LINGO2: variants seen among roughly 807,000 people sequenced by gnomAD.
The protein encoded by LINGO2 is leucine-rich repeat and immunoglobulin-like domain-containing nogo receptor-interacting protein 2.
A neutral mutation model predicts 30.6 loss-of-function variants in LINGO2; 14 were observed. The observed-to-expected ratio is 0.46, with a 90% CI of 0.30 to 0.72. LINGO2 has a LOEUF of 0.72. Ranked by LOEUF, LINGO2 falls within the 30% of genes least tolerant of loss-of-function variation. The pLI, the probability that LINGO2 is intolerant of heterozygous loss-of-function variation, is 0.07. For missense variants in LINGO2, 729 were observed against 751.7 expected, an observed-to-expected ratio of 0.97 and a Z score of 0.35; for synonymous variants, 317 against 288.5, an observed-to-expected ratio of 1.10 and a Z score of -1.00.
the LINGO2 span, among the ~76,000 whole-genome samples, chr9:29,116,921 A>AG: frequency 6.6e-6 from 1 of 152,162 alleles, no homozygotes; most frequent in African/African-American, 2.4e-5. Flanking sequence ...AGAAGAACAC[A>AG]GTAGGGGTCG....
intron 1 of LINGO2, among the ~76,000 whole-genome samples, chr9:28,589,304 A>C (rs1002052153): frequency 6.6e-6 from 1 of 152,134 alleles, no homozygotes; most frequent in Non-Finnish European, 1.5e-5. Context: ...TGGCCAGGGC[A>C]GTCAGGCAGG....
intron 4 of LINGO2, among the ~76,000 whole-genome samples, chr9:28,032,781 C>T (rs557984971): frequency 1.3e-4 from 20 of 152,306 alleles, no homozygotes; most frequent in African/African-American, 4.6e-4. Flanking sequence ...TGACAATGGA[C>T]ACTGTGTCCC....
At chr9:28,956,187 T>G in the LINGO2 span, among the ~76,000 whole-genome samples, 5 of 152,028 alleles carry the variant, frequency 3.3e-5, no homozygotes. Context: ...AATTCTGGGC[T>G]GCTATTCACC....
chr9:28,861,966 A>G, the LINGO2 span, among the ~76,000 whole-genome samples: 54 of 152,292 alleles, frequency 3.5e-4, no homozygotes, highest in Admixed American at 3.5e-3. Flanking sequence ...ACTAAAAATT[A>G]TCTTAAGAAA....
chr9:28,922,149 A>G, the LINGO2 span, among the ~76,000 whole-genome samples: 6 of 152,158 alleles, frequency 3.9e-5, no homozygotes, highest in African/African-American at 1.4e-4. Flanking sequence ...AAGTTACCCA[A>G]TGTGAGTACT....
chr9:28,699,380 C>G, the LINGO2 span, among the ~76,000 whole-genome samples: 6 of 151,982 alleles, frequency 3.9e-5, no homozygotes, highest in African/African-American at 1.2e-4. Flanking sequence ...ACTTCCCTAA[C>G]AATACTCTTA....
At chr9:28,706,441 A>T in the LINGO2 span, among the ~76,000 whole-genome samples, 2 of 152,288 alleles carry the variant, frequency 1.3e-5, no homozygotes, top group East Asian at 1.9e-4. Context: ...TAAAAAATTA[A>T]TGTTACTTAG....
chr9:28,872,074 A>C, the LINGO2 span, among the ~76,000 whole-genome samples: 1 of 152,026 alleles, frequency 6.6e-6, no homozygotes, highest in Non-Finnish European at 1.5e-5. Flanking sequence ...AAATCATCAT[A>C]ATTTTATGCC....
chr9:29,000,182 G>A, the LINGO2 span, among the ~76,000 whole-genome samples: 1,262 of 151,800 alleles, frequency 8.3e-3, 17 homozygotes, highest in African/African-American at 0.029. Context: ...AGTATTCTTC[G>A]GCATGGCCCT....
intron 2 of LINGO2, among the ~76,000 whole-genome samples, chr9:28,421,725 G>C (rs1229361295): frequency 6.6e-6 from 1 of 151,932 alleles, no homozygotes; most frequent in African/African-American, 2.4e-5. Flanking sequence ...TCATACATAA[G>C]CGTACCACAG....
chr9:28,436,651 G>T (rs1020750639), intron 2 of LINGO2, among the ~76,000 whole-genome samples: 4 of 151,986 alleles, frequency 2.6e-5, no homozygotes, highest in Non-Finnish European at 4.4e-5. Context: ...TAGAGACGGG[G>T]TTTCACCGTG....
At chr9:29,130,623 C>G in the LINGO2 span, among the ~76,000 whole-genome samples, 1 of 152,028 alleles carries the variant, frequency 6.6e-6, no homozygotes, top group African/African-American at 2.4e-5. Flanking sequence ...ATTACTGATG[C>G]AGAAACAGAC....
intron 5 of LINGO2, among the ~76,000 whole-genome samples, chr9:27,951,390 T>C (rs1563849627): frequency 6.6e-6 from 1 of 152,206 alleles, no homozygotes; most frequent in Non-Finnish European, 1.5e-5. Flanking sequence ...TGTTTTTGTT[T>C]CTCATAGGAA....
chr9:28,828,495 A>C, the LINGO2 span, among the ~76,000 whole-genome samples: 1 of 152,174 alleles, frequency 6.6e-6, no homozygotes, highest in Non-Finnish European at 1.5e-5. Context: ...TCTATTAGTT[A>C]CAGTCACAAA....
the LINGO2 span, among the ~76,000 whole-genome samples, chr9:29,158,633 C>T: frequency 7.9e-5 from 12 of 152,122 alleles, no homozygotes; most frequent in Non-Finnish European, 2.9e-5. Flanking sequence ...AAGAACCCGG[C>T]AGTGGGTTAT....
At chr9:28,643,446 G>C (rs536553966) in intron 1 of LINGO2, among the ~76,000 whole-genome samples, 1 of 151,970 alleles carries the variant, frequency 6.6e-6, no homozygotes, top group African/African-American at 2.4e-5. Flanking sequence ...GGAAAAGACA[G>C]TCTCTTCAAC....
intron 4 of LINGO2, among the ~76,000 whole-genome samples, chr9:28,067,240 G>C (rs1825340593): frequency 6.6e-6 from 1 of 151,948 alleles, no homozygotes; most frequent in South Asian, 2.1e-4. Flanking sequence ...TCTTAATTAA[G>C]AAGACACCCA....
chr9:28,891,260 G>A, the LINGO2 span, among the ~76,000 whole-genome samples: 1 of 151,864 alleles, frequency 6.6e-6, no homozygotes. Context: ...TATTCTATGT[G>A]TGCCTCACAT....
intron 1 of LINGO2, among the ~76,000 whole-genome samples, chr9:28,618,538 G>A (rs1295390910): frequency 6.6e-6 from 1 of 152,058 alleles, no homozygotes; most frequent in Non-Finnish European, 1.5e-5. Context: ...TAACTCTCTA[G>A]TGATTCTTCA....
Sources: allele counts gnomAD v4.1 joint callset (sites outside exome capture counted in the v4.1 genomes callset), GRCh38; gene constraint gnomAD v4.1.1; transcripts MANE v1.5; gene names NCBI Gene and HGNC (gene_info 2026-07-23, HGNC 2026-07-21).